The following MAN2B1 variants were observed in gnomAD, a reference collection of about 807,000 sequenced individuals.
MAN2B1 encodes lysosomal alpha-mannosidase.
MAN2B1 carries 99 observed loss-of-function variants against 127.5 expected under a neutral mutation model. That is an observed-to-expected ratio of 0.78 (90% CI 0.66 to 0.92). The LOEUF (loss-of-function observed/expected upper bound fraction) is 0.92. MAN2B1 is among the 40% of genes least tolerant of loss of function. MAN2B1 has a pLI of 0.00. For synonymous variants in MAN2B1, 573 were observed against 568.8 expected, an observed-to-expected ratio of 1.01 and a Z score of -0.11; for missense variants, 1,304 against 1,384.8, an observed-to-expected ratio of 0.94 and a Z score of 0.93.
At chr19:12,651,337 A>G (rs1284029691) in intron 16 of MAN2B1, among the ~76,000 whole-genome samples, 1 of 151,954 alleles carries the variant, frequency 6.6e-6, no homozygotes, top group Non-Finnish European at 1.5e-5. Context: ...TCTGCTACTG[A>G]CTCAAACACA....
chr19:12,650,335 C>T, intron 16 of MAN2B1, 113 bp from the exon 17 acceptor site: 1 of 757,228 alleles, frequency 1.3e-6, no homozygotes, highest in South Asian at 1.4e-5. Flanking sequence ...CAAGGTCAAC[C>T]TTCAGTCACC....
At chr19:12,657,363 C>T (rs2023991844) in intron 11 of MAN2B1, 83 bp downstream of exon 11, 2 of 1,282,974 alleles carry the variant, frequency 1.6e-6, no homozygotes, top group Non-Finnish European at 1.1e-6. Flanking sequence ...ACGCCTCACA[C>T]CTGTCTCTGT....
At chr19:12,648,999 G>A in intron 20 of MAN2B1, 137 bp downstream of exon 20, 1 of 749,444 alleles carries the variant, frequency 1.3e-6, no homozygotes, top group Non-Finnish European at 2.3e-6. Context: ...CCGTCTCAAA[G>A]AGAAGAAAAG....
rs774352491 is a variant in MAN2B1, at chr19:12,647,561, T to C, written c.2702A>G (p.His901Arg). 5.0e-6 allele frequency: 8 copies of C among 1,613,162 alleles called. No individual in the cohort carries two copies. The African/African-American group carries it at 6.7e-5, about 14-fold the overall frequency. ...GCCCCAGCTGGCCAGCGTGAGCAGG[T>C]GCACCGAGGGCGGCAGGTCCCTGCG... Reference protein sequence around the residue: ...GLRRDLPPSVHLLTLASWGPE... With the variant: ...GLRRDLPPSVRLLTLASWGPE... The change falls in exon 22 of 24, where the codon CAC becomes CGC. Residue 901 changes from histidine to arginine, a missense_variant. His to Arg is a conservative substitution (Grantham distance 29). Transcript: ENST00000456935. The surrounding 1 kb of genome is among the most constrained non-coding windows in gnomAD (Gnocchi z 4.9).
At chr19:12,660,752 A>ATTTTTTTTTTTTTTTTTTT (rs1168857464) in intron 7 of MAN2B1, 1 of 102,094 alleles carries the variant, frequency 9.8e-6, no homozygotes, top group Non-Finnish European at 1.9e-5. Context: ...CTCAGGCTGG[A>ATTTTTTTTTTTTTTTTTTT]TTTTTTTTTT....
chr19:12,650,290 C>G, intron 16 of MAN2B1, 68 bp from the exon 17 acceptor site: 1 of 954,080 alleles, frequency 1.0e-6, no homozygotes, highest in Non-Finnish European at 1.7e-6. Flanking sequence ...CAAATGTCCC[C>G]CAACCCTGGC....
At chr19:12,665,625 C>A in intron 2 of MAN2B1, 78 bp downstream of exon 2, 1 of 1,573,586 alleles carries the variant, frequency 6.4e-7, no homozygotes, top group Non-Finnish European at 8.7e-7. Flanking sequence ...TAGCACTGGC[C>A]CCACCCTAAT....
At chr19:12,657,407 G>T (rs1321846568) in intron 11 of MAN2B1, 39 bp downstream of exon 11, 7 of 1,517,074 alleles carry the variant, frequency 4.6e-6, no homozygotes, top group African/African-American at 1.4e-5. Flanking sequence ...GCCCCTTCCT[G>T]TCTCCACCCC....
chr19:12,660,488 C>T (rs760733253), intron 7 of MAN2B1, among the ~76,000 whole-genome samples: 4 of 151,926 alleles, frequency 2.6e-5, no homozygotes, highest in Admixed American at 2.0e-4. Flanking sequence ...GGCGACAGAG[C>T]GAGACTCCGT....
At chr19:12,656,795 T>A in intron 12 of MAN2B1, 108 bp from the exon 13 acceptor site, 1 of 1,081,126 alleles carries the variant, frequency 9.2e-7, no homozygotes, top group Non-Finnish European at 1.4e-6. Flanking sequence ...TCACGGCACT[T>A]AAGGCCAAGC....
In MAN2B1 at chr19:12,663,438, G is replaced by T. The variant is rs746808159; in HGVS notation, c.788C>A (p.Pro263Gln). Residue 263 changes from proline (P) to glutamine (Q), a missense_variant, in exon 6 of 24, where the codon CCG becomes CAG. Physicochemically the swap from Pro to Gln is moderately conservative, Grantham distance 76. Transcript: ENST00000456935. ...FTGVLPNGYN[P>Q]PRNLCWDVLC... ...CACATCCCAGCACAGATTCCTTGGC[G>T]GGTTGTAACCATTGGGAAGCACACC... 6.2e-7 allele frequency: 1 copy of T among 1,613,962 alleles called. No individual in the cohort carries two copies. Among genetic ancestry groups the T allele is most frequent in the Non-Finnish European group, 8.5e-7 (1 of 1,180,036 alleles).
chr19:12,659,991 G>A (rs1355421398), intron 7 of MAN2B1, among the ~76,000 whole-genome samples: 1 of 152,060 alleles, frequency 6.6e-6, no homozygotes, highest in Non-Finnish European at 1.5e-5. Context: ...GATGGGAGAG[G>A]GGAGACAAGT....
chr19:12,656,954 C>A lies in MAN2B1; in HGVS notation c.1522G>T (p.Ala508Ser). The A allele has an allele frequency of 6.2e-7, 1 of 1,613,012 alleles. No individual in the cohort carries two copies. Among genetic ancestry groups the A allele is most frequent in the Non-Finnish European group, 8.5e-7 (1 of 1,179,622 alleles). Residue 508 changes from alanine to serine, a missense_variant, in exon 12 of 24, where the codon GCG (alanine) becomes TCG (serine). By Grantham distance (99) the Ala-to-Ser change is moderately conservative. Transcript: ENST00000456935. Reference protein sequence around the residue: ...ISICPLSQTAARFQVIVYNPL... With the variant: ...ISICPLSQTASRFQVIVYNPL... ...CCCCTCCCGTCCCGGCTCACGCGCG[C>A]CGCCGTCTGGCTGAGCGGGCAGATG...
In MAN2B1 at chr19:12,663,875, C is replaced by T; in HGVS notation, c.631-40G>A. On this transcript the variant is annotated intron_variant, in intron 4 of 23. Coordinates refer to ENST00000456935, the MANE Select transcript of MAN2B1 (RefSeq NM_000528.4). Reference sequence around the variant, plus strand: ...GGAAAAGGCAGTGTGAATTAGTGCCCAGCCCTCTCACCACCAAACTCCCCT... The same window carrying T: ...GGAAAAGGCAGTGTGAATTAGTGCCTAGCCCTCTCACCACCAAACTCCCCT... 6.2e-6 allele frequency: 10 copies of T among 1,613,290 alleles called. No individual in the cohort carries two copies. In the South Asian group the frequency reaches 1.1e-4, roughly 18 times the overall value.
chr19:12,653,284 C>T (rs1254916811), intron 14 of MAN2B1, among the ~76,000 whole-genome samples: 2 of 146,350 alleles, frequency 1.4e-5, no homozygotes, highest in African/African-American at 5.1e-5. Context: ...ATAGCTGGGA[C>T]TACAGGCACA....
In MAN2B1 at chr19:12,662,486, C is replaced by T. The variant is rs117518397; in HGVS notation, c.909+831G>A. Among the ~76,000 whole-genome samples the T allele has an allele frequency of 6.5e-3, 987 of 151,836 alleles. 30 individuals are homozygous for T. Among genetic ancestry groups the T allele is most frequent in the East Asian group, 0.063 (324 of 5,122 alleles). On this transcript the variant is annotated intron_variant, in intron 6 of 23. Coordinates refer to ENST00000456935, the MANE Select transcript of MAN2B1 (RefSeq NM_000528.4). The stretch of plus-strand genomic sequence containing the variant: ...CTACTAAAAAGACATAAAACTTAGC[C>T]GAGCATGGTGGTGGGCACCTGTAAT...
At chr19:12,650,352 T>C (rs1037607579) in intron 16 of MAN2B1, 130 bp from the exon 17 acceptor site, 5 of 626,904 alleles carry the variant, frequency 8.0e-6, no homozygotes, top group Middle Eastern at 4.1e-4. Context: ...CACCGCCACA[T>C]AATTCTTTTT....
chr19:12,666,356 A>G (rs1458321880), intron 1 of MAN2B1, among the ~76,000 whole-genome samples, 187 bp downstream of exon 1: 1 of 152,128 alleles, frequency 6.6e-6, no homozygotes, highest in Non-Finnish European at 1.5e-5. Flanking sequence ...AGGTACAATC[A>G]GACACAGTCC....
At chr19:12,654,066 G>A (rs1397496191) in intron 14 of MAN2B1, among the ~76,000 whole-genome samples, 11 of 135,692 alleles carry the variant, frequency 8.1e-5, no homozygotes, top group African/African-American at 2.5e-4. Flanking sequence ...TTTTTGAGAC[G>A]GAGTCTCACT....
Sources: gnomAD v4.1 joint callset for allele counts (sites outside exome capture counted in the v4.1 genomes callset) on GRCh38, gnomAD v4.1.1 for gene constraint, Gnocchi (gnomAD v3.1) non-coding constraint, MANE v1.5 for transcripts, NCBI Gene and HGNC (gene_info 2026-07-23, HGNC 2026-07-21) for gene names.